The following NTRK2 variants were observed in gnomAD, a reference collection of about 807,000 sequenced individuals.
The protein encoded by NTRK2 is BDNF/NT-3 growth factors receptor.
In NTRK2, 13 loss-of-function variants were observed where a neutral mutation model predicts 94.5. The ratio of observed to expected loss-of-function variants is 0.14; its 90% confidence interval spans 0.09 to 0.22. The LOEUF is 0.22. NTRK2 is among the 10% of genes least tolerant of loss of function. The probability of loss-of-function intolerance (pLI) is 1.00; values close to 1 mark genes in which losing one functional copy is unlikely to be tolerated. For missense variants in NTRK2, 639 were observed against 1,071.2 expected, an observed-to-expected ratio of 0.60 and a Z score of 5.63; for synonymous variants, 372 against 407.4, an observed-to-expected ratio of 0.91 and a Z score of 1.05.
At chr9:84,956,034 C>T (rs1304724687) in intron 17 of NTRK2, among the ~76,000 whole-genome samples, 2 of 152,140 alleles carry the variant, frequency 1.3e-5, no homozygotes, top group African/African-American at 2.4e-5. Context: ...GTGTGAGAAT[C>T]CTTCCAGAGA....
At chr9:84,938,538 T>G (rs979997596) in intron 15 of NTRK2, among the ~76,000 whole-genome samples, 2 of 152,178 alleles carry the variant, frequency 1.3e-5, no homozygotes, top group Admixed American at 6.5e-5. Context: ...GTCAATATTT[T>G]AAAATTATAT....
At chr9:84,691,476 T>A (rs1448452451) in intron 2 of NTRK2, among the ~76,000 whole-genome samples, 1 of 152,280 alleles carries the variant, frequency 6.6e-6, no homozygotes, top group East Asian at 1.9e-4. Context: ...GATTTGAAGT[T>A]GTCTCCTTTG....
intron 9 of NTRK2, among the ~76,000 whole-genome samples, chr9:84,728,696 C>T (rs1235519733): frequency 1.3e-5 from 2 of 152,072 alleles, no homozygotes; most frequent in Non-Finnish European, 2.9e-5. Context: ...TTTATTGGCT[C>T]CGGAGCTGTT....
chr9:84,876,624 A>C (rs200910293), intron 14 of NTRK2: 65 of 1,058,408 alleles, frequency 6.1e-5, no homozygotes, highest in Non-Finnish European at 7.1e-5. Flanking sequence ...AAACATCAAT[A>C]TCTTTACCCA....
At chr9:84,791,268 C>T (rs1167428875) in intron 12 of NTRK2, among the ~76,000 whole-genome samples, 2 of 152,040 alleles carry the variant, frequency 1.3e-5, no homozygotes, top group African/African-American at 4.8e-5. Flanking sequence ...GGACTTTGAC[C>T]AGAACACCTA....
chr9:85,001,199 G>A (rs1031608599), intron 17 of NTRK2, among the ~76,000 whole-genome samples: 4 of 151,848 alleles, frequency 2.6e-5, no homozygotes, highest in Admixed American at 6.6e-5. Flanking sequence ...GTTAGGGCCT[G>A]GAGGAGGGAC....
intron 13 of NTRK2, among the ~76,000 whole-genome samples, 170 bp downstream of exon 13, chr9:84,861,257 C>G (rs1359784361): frequency 6.6e-6 from 1 of 152,142 alleles, no homozygotes; most frequent in Admixed American, 6.6e-5. Flanking sequence ...AAAGGCATTA[C>G]TGTTGTTAAT....
intron 12 of NTRK2, among the ~76,000 whole-genome samples, chr9:84,770,166 A>ACACACACACACT (rs2066404771): frequency 6.6e-6 from 1 of 151,270 alleles, no homozygotes; most frequent in East Asian, 1.9e-4. Flanking sequence ...ACACACACAC[A>ACACACACACACT]CACACACACA....
At chr9:84,995,169 A>G (rs1018989665) in intron 17 of NTRK2, among the ~76,000 whole-genome samples, 2 of 152,192 alleles carry the variant, frequency 1.3e-5, no homozygotes, top group Admixed American at 1.3e-4. Flanking sequence ...CTAGGTTCCT[A>G]CTGAGACATA....
Position 84,744,026 on chromosome 9 carries a change from C to T in NTRK2, c.1196-947C>T, listed in dbSNP as rs148163866. Among the ~76,000 whole-genome samples the T allele has an allele frequency of 5.0e-3, 765 of 152,224 alleles. 9 individuals are homozygous for T. Among genetic ancestry groups the T allele is most frequent in the Non-Finnish European group, 3.9e-3 (265 of 68,020 alleles). On this transcript the variant is annotated intron_variant, in intron 10 of 18. Coordinates refer to ENST00000277120, the MANE Select transcript of NTRK2 (RefSeq NM_006180.6). ...GATGATTCTACCTGGAGAAGTTTAG[C>T]TGGGGCTGCATTAACAAGGTAGCCT...
intron 14 of NTRK2, among the ~76,000 whole-genome samples, chr9:84,931,128 C>T (rs1242171165): frequency 2.0e-5 from 3 of 152,096 alleles, no homozygotes; most frequent in Admixed American, 2.0e-4. Flanking sequence ...GAAATTTGGC[C>T]AGGCACGGTG....
chr9:85,016,123 G>A (rs964825713), intron 17 of NTRK2, among the ~76,000 whole-genome samples: 3 of 152,116 alleles, frequency 2.0e-5, no homozygotes, highest in Non-Finnish European at 4.4e-5. Flanking sequence ...TGATTACGGT[G>A]GCACTGAGGT....
At chr9:84,968,754 AT>A (rs1223319792) in intron 17 of NTRK2, among the ~76,000 whole-genome samples, 1 of 152,234 alleles carries the variant, frequency 6.6e-6, no homozygotes, top group African/African-American at 2.4e-5. Flanking sequence ...TGATGCCACC[AT>A]GAAAATTGTG....
chr9:84,809,248 A>G (rs2071469031), intron 12 of NTRK2, among the ~76,000 whole-genome samples: 1 of 152,012 alleles, frequency 6.6e-6, no homozygotes, highest in East Asian at 1.9e-4. Context: ...CAAATTATTT[A>G]CTCATCTTTC....
chr9:84,982,723 C>T (rs1025348221), intron 17 of NTRK2, among the ~76,000 whole-genome samples: 30 of 152,154 alleles, frequency 2.0e-4, no homozygotes, highest in African/African-American at 7.2e-4. Flanking sequence ...AACACTTATC[C>T]AGTATGTGGG....
intron 12 of NTRK2, among the ~76,000 whole-genome samples, chr9:84,854,803 C>T (rs1267615328): frequency 1.3e-5 from 2 of 151,816 alleles, no homozygotes; most frequent in Non-Finnish European, 2.9e-5. Flanking sequence ...AAAAATTAGC[C>T]GGGCATGATG....
chr9:84,953,493 A>G (rs1056580042), intron 16 of NTRK2, among the ~76,000 whole-genome samples: 5 of 152,186 alleles, frequency 3.3e-5, no homozygotes, highest in Admixed American at 6.5e-5. Flanking sequence ...ACAGGATCCA[A>G]ATTCATTTCA....
In NTRK2 at chr9:85,021,970, C is replaced by G. The variant is rs1004593643; in HGVS notation, c.*533C>G. On this transcript the variant is annotated 3_prime_UTR_variant, in exon 19 of 19. Coordinates refer to ENST00000277120, the MANE Select transcript of NTRK2 (RefSeq NM_006180.6). ...ATCGAGAGTTTCTATGGATTCACTT[C>G]TATTTATTTATTATTATTACTGTTC... The G allele has an allele frequency of 4.1e-6, 1 of 241,586 alleles. No individual in the cohort carries two copies. Among genetic ancestry groups the G allele is most frequent in the African/African-American group, 2.2e-5 (1 of 45,360 alleles). 15.0% of individuals were successfully genotyped at this position (241,586 alleles called of 1,614,324 possible). A position where few individuals can be genotyped will look rare whatever the true frequency, so the allele number is the denominator to read the frequency against.
At chr9:84,671,020 G>A in intron 2 of NTRK2, 60 bp downstream of exon 2, 2 of 1,519,108 alleles carry the variant, frequency 1.3e-6, no homozygotes, top group Non-Finnish European at 9.0e-7. Flanking sequence ...AGCTGGCCAG[G>A]TGGGTAGGTC....
Sources: gnomAD v4.1 joint callset for allele counts (sites outside exome capture counted in the v4.1 genomes callset) on GRCh38, gnomAD v4.1.1 for gene constraint, MANE v1.5 for transcripts, NCBI Gene and HGNC (gene_info 2026-07-23, HGNC 2026-07-21) for gene names.